Variants in ANK2 observed in about 807,000 individuals in gnomAD.
The protein encoded by ANK2 is ankyrin-2.
ANK2 carries 83 observed loss-of-function variants against 360.5 expected under a neutral mutation model. That is an observed-to-expected ratio of 0.23 (90% CI 0.19 to 0.28). The LOEUF is 0.28. ANK2 is among the 10% of genes least tolerant of loss of function. ANK2 has a pLI of 1.00. For missense variants in ANK2, 4,201 were observed against 4,795.7 expected (o/e 0.88, Z 3.66); for synonymous variants, 1,740 against 1,759.5 (o/e 0.99, Z 0.28).
chr4:113,234,201 T>C (rs1367559082), intron 5 of ANK2, among the ~76,000 whole-genome samples: 1 of 152,180 alleles, frequency 6.6e-6, no homozygotes, highest in Non-Finnish European at 1.5e-5. Context: ...TCAAGGCCAC[T>C]GTAGCATTTC....
At chr4:112,960,356 T>C (rs1641414541) in intron 2 of ANK2, among the ~76,000 whole-genome samples, 1 of 152,102 alleles carries the variant, frequency 6.6e-6, no homozygotes, top group African/African-American at 2.4e-5. Context: ...CCTTTTTTTT[T>C]TTTTAAATCT....
intron 9 of ANK2, among the ~76,000 whole-genome samples, chr4:113,245,590 T>G (rs4834325): frequency 0.022 from 3,404 of 152,170 alleles, 58 homozygotes; most frequent in Non-Finnish European, 0.032. Flanking sequence ...TCATGAGAAC[T>G]AACTCACTGT....
the ANK2 span, among the ~76,000 whole-genome samples, chr4:112,760,711 G>A: frequency 2.6e-5 from 4 of 151,716 alleles, no homozygotes; most frequent in African/African-American, 9.7e-5. Context: ...TATTCTTAAA[G>A]GTGGGCTCTT....
the ANK2 span, among the ~76,000 whole-genome samples, chr4:112,807,943 A>G: frequency 6.6e-6 from 1 of 152,266 alleles, no homozygotes; most frequent in Non-Finnish European, 1.5e-5. Flanking sequence ...ATAAACCAAT[A>G]TTGAAAAGAT....
intron 43 of ANK2, chr4:113,372,686 T>G (rs1329990332): frequency 8.5e-7 from 1 of 1,171,122 alleles, no homozygotes; most frequent in African/African-American, 1.5e-5. Flanking sequence ...CTAAGAGTGA[T>G]CAACCTGGAT....
At chr4:113,161,663 G>GAAA (rs113926244) in intron 1 of ANK2, among the ~76,000 whole-genome samples, 1,948 of 151,776 alleles carry the variant, frequency 0.013, 28 homozygotes, top group African/African-American at 0.045. Flanking sequence ...GAGCTCATGA[G>GAAA]AAAACTCCTG....
chr4:113,319,820 A>G (rs1381265519), intron 26 of ANK2, among the ~76,000 whole-genome samples: 1 of 152,198 alleles, frequency 6.6e-6, no homozygotes, highest in Admixed American at 6.5e-5. Flanking sequence ...CTAAAAAGAT[A>G]CAACATTGCA....
At chr4:112,874,642 C>CAAAAAA (rs1160396405) in intron 1 of ANK2, among the ~76,000 whole-genome samples, 1 of 79,586 alleles carries the variant, frequency 1.3e-5, no homozygotes. Flanking sequence ...GACGCCATCT[C>CAAAAAA]AAAAAAAAAA....
At chr4:112,777,644 G>C in the ANK2 span, among the ~76,000 whole-genome samples, 1 of 141,628 alleles carries the variant, frequency 7.1e-6, no homozygotes, top group African/African-American at 2.7e-5. Context: ...TTGAGACAGA[G>C]TCTCGCTCTG....
intron 4 of ANK2, among the ~76,000 whole-genome samples, chr4:113,223,595 C>T (rs189287142): frequency 2.4e-4 from 37 of 152,102 alleles, no homozygotes; most frequent in African/African-American, 8.4e-4. Flanking sequence ...ACTACAAAAT[C>T]TGAAAATAAA....
intron 45 of ANK2, among the ~76,000 whole-genome samples, chr4:113,379,510 A>G (rs929955035): frequency 4.6e-5 from 7 of 152,216 alleles, no homozygotes; most frequent in African/African-American, 1.7e-4. Flanking sequence ...ATATCACGAA[A>G]TGTCCTATAA....
At chr4:113,307,660 G>C (rs7662138) in intron 23 of ANK2, among the ~76,000 whole-genome samples, 47,082 of 151,944 alleles carry the variant, frequency 0.31, 10,789 homozygotes, top group African/African-American at 0.63. Context: ...TACTTGGCCT[G>C]CCAAAGTGCT....
intron 4 of ANK2, among the ~76,000 whole-genome samples, chr4:113,202,142 GTAT>G (rs1416645457): frequency 3.3e-5 from 5 of 151,930 alleles, no homozygotes; most frequent in Admixed American, 6.6e-5. Flanking sequence ...TTGAAAAAAA[GTAT>G]TATTACTTAG....
intron 2 of ANK2, among the ~76,000 whole-genome samples, chr4:112,984,273 A>T (rs370614979): frequency 6.6e-6 from 1 of 152,244 alleles, no homozygotes; most frequent in Non-Finnish European, 1.5e-5. Context: ...GCTGATAAAG[A>T]CATACCTGAG....
intron 3 of ANK2, among the ~76,000 whole-genome samples, chr4:113,197,030 A>T (rs557245999): frequency 3.5e-4 from 53 of 152,374 alleles, no homozygotes; most frequent in African/African-American, 1.1e-3. Flanking sequence ...GATGAGATTA[A>T]CATAATCCTT....
intron 26 of ANK2, among the ~76,000 whole-genome samples, chr4:113,321,867 G>T (rs979918643): frequency 9.2e-5 from 14 of 152,122 alleles, no homozygotes; most frequent in African/African-American, 3.4e-4. Flanking sequence ...TGAGTAGCTG[G>T]TACTACAGGT....
intron 1 of ANK2, among the ~76,000 whole-genome samples, chr4:112,824,298 G>A (rs2057900089): frequency 6.6e-6 from 1 of 151,596 alleles, no homozygotes; most frequent in African/African-American, 2.4e-5. Flanking sequence ...TCCAGCCTCA[G>A]CCTCCCAGGT....
chr4:112,831,228 G>A (rs573701817), intron 1 of ANK2, among the ~76,000 whole-genome samples: 1 of 152,356 alleles, frequency 6.6e-6, no homozygotes, highest in South Asian at 2.1e-4. Flanking sequence ...CTCTGCCCAC[G>A]GCCCTGGTGC....
chr4:112,759,175 A>T, the ANK2 span, among the ~76,000 whole-genome samples: 2 of 152,042 alleles, frequency 1.3e-5, no homozygotes, highest in Non-Finnish European at 2.9e-5. Context: ...TCGCTCTGTC[A>T]CCCAGTTTAG....
Sources: gnomAD v4.1 joint callset for allele counts (sites outside exome capture counted in the v4.1 genomes callset) on GRCh38, gnomAD v4.1.1 for gene constraint, MANE v1.5 for transcripts, NCBI Gene and HGNC (gene_info 2026-07-23, HGNC 2026-07-21) for gene names.